The following GFRAL variants were observed in gnomAD, a reference collection of about 807,000 sequenced individuals.
GFRAL encodes the protein GDNF family receptor alpha-like.
Under a neutral mutation model 45.4 loss-of-function variants are expected in GFRAL, and 36 were observed. The ratio of observed to expected loss-of-function variants is 0.79; its 90% confidence interval spans 0.61 to 1.05. The LOEUF (loss-of-function observed/expected upper bound fraction) is 1.05. Ranked by LOEUF, GFRAL falls within the 50% of genes least tolerant of loss-of-function variation. The probability of loss-of-function intolerance (pLI) is 0.00; values close to 1 mark genes in which losing one functional copy is unlikely to be tolerated. For synonymous variants in GFRAL, 166 were observed against 154.1 expected (o/e 1.08, Z -0.57); for missense variants, 507 against 467.5 (o/e 1.08, Z -0.78).
intron 6 of GFRAL, among the ~76,000 whole-genome samples, chr6:55,360,009 C>T (rs979103544): frequency 1.1e-4 from 17 of 151,852 alleles, no homozygotes; most frequent in African/African-American, 4.1e-4. Context: ...TGCTGATCAA[C>T]CTATAATGAT....
intron 3 of GFRAL, among the ~76,000 whole-genome samples, chr6:55,337,059 G>A (rs756561308): frequency 2.0e-5 from 3 of 151,922 alleles, no homozygotes; most frequent in Admixed American, 6.6e-5. Flanking sequence ...GTAAATTAGT[G>A]TTAACTATAG....
chr6:55,355,114 ACAT>A (rs1442567317), intron 5 of GFRAL, among the ~76,000 whole-genome samples: 1 of 152,018 alleles, frequency 6.6e-6, no homozygotes, highest in Non-Finnish European at 1.5e-5. Flanking sequence ...AAAACAGATG[ACAT>A]CATATTATAT....
At chr6:55,334,625 C>T (rs1265569238) in intron 3 of GFRAL, among the ~76,000 whole-genome samples, 1 of 152,206 alleles carries the variant, frequency 6.6e-6, no homozygotes, top group Non-Finnish European at 1.5e-5. Context: ...TCTTCTTTCA[C>T]AATCAACCTT....
Position 55,331,709 on chromosome 6 carries a change from T to C in GFRAL, c.23-6T>C, listed in dbSNP as rs1767831513. The C allele has an allele frequency of 4.4e-6, 7 of 1,595,920 alleles. No individual in the cohort carries two copies. Among genetic ancestry groups the C allele is most frequent in the Non-Finnish European group, 1.7e-6 (2 of 1,174,098 alleles). ...TACAACCTTGTTTTTGTTGTTGTTA[T>C]TCAAGCTATGGGGTTAAGCTTGGAA... On this transcript the variant is annotated splice_region_variant and splice_polypyrimidine_tract_variant and intron_variant, in intron 1 of 8. Transcript: ENST00000340465.
intron 6 of GFRAL, among the ~76,000 whole-genome samples, chr6:55,384,922 C>G (rs1407495303): frequency 6.7e-6 from 1 of 150,266 alleles, no homozygotes; most frequent in Admixed American, 6.6e-5. Flanking sequence ...AATGCTCCAA[C>G]CTTGCTGATG....
chr6:55,328,119 T>C (rs1029756393), intron 1 of GFRAL, among the ~76,000 whole-genome samples: 1 of 152,004 alleles, frequency 6.6e-6, no homozygotes, highest in East Asian at 1.9e-4. Context: ...TTCATTAATT[T>C]TTATGACCTA....
Position 55,351,367 on chromosome 6 carries a change from GT to G in GFRAL, c.486del (p.Cys162TrpfsTer3), listed in dbSNP as rs1391603901. ...GCTTGCTCAGCAAATGGAAATCCGTGTGATCTGAAACAGTGCCAAGCAGCCA... is the reference window on the plus strand; with the variant it reads ...GCTTGCTCAGCAAATGGAAATCCGTGGATCTGAAACAGTGCCAAGCAGCCA... ...LKACSANGNP[C>X]DLKQCQAAIR... On this transcript the variant is annotated frameshift_variant, in exon 5 of 9. Transcript: ENST00000340465. LOFTEE classifies it high-confidence loss of function. 2 of 1,613,676 alleles carry G rather than the reference GT, an allele frequency of 1.2e-6. No individual in the cohort carries two copies. The highest frequency in any genetic ancestry group is 1.1e-5 in the South Asian group (1 of 91,076).
At position 55,335,002 on chromosome 6, in the gene GFRAL, A is replaced by G. The variant is rs1767873904; in HGVS notation, c.316+1058A>G. On this transcript the variant is annotated intron_variant, in intron 3 of 8. Coordinates refer to ENST00000340465, the MANE Select transcript of GFRAL (RefSeq NM_207410.2). ...AGGCTGCTATAAATATTCACATACA[A>G]GATTCAGACAAACATAAGCTTTACT... Among the ~76,000 whole-genome samples the G allele has an allele frequency of 2.0e-5, 3 of 152,320 alleles. No homozygotes were observed. In the South Asian group the frequency reaches 6.2e-4, roughly 32 times the overall value.
chr6:55,379,514 A>G (rs1478596309), intron 6 of GFRAL, among the ~76,000 whole-genome samples: 1 of 123,028 alleles, frequency 8.1e-6, no homozygotes, highest in Non-Finnish European at 1.9e-5. Context: ...AAATTTATAT[A>G]TTTTTTAAAT....
At chr6:55,363,676 G>C (rs1768311756) in intron 6 of GFRAL, among the ~76,000 whole-genome samples, 2 of 147,128 alleles carry the variant, frequency 1.4e-5, no homozygotes, top group Admixed American at 1.4e-4. Context: ...CTATGAGTGA[G>C]AATATGCGGT....
chr6:55,347,909 A>G (rs1227326371), intron 3 of GFRAL, among the ~76,000 whole-genome samples: 6 of 152,210 alleles, frequency 3.9e-5, no homozygotes, highest in Non-Finnish European at 8.8e-5. Context: ...GTCATTTTAT[A>G]GAAACATGTT....
intron 3 of GFRAL, among the ~76,000 whole-genome samples, chr6:55,337,138 C>T (rs1019176278): frequency 7.2e-5 from 11 of 152,110 alleles, no homozygotes; most frequent in Admixed American, 2.6e-4. Flanking sequence ...TATCCGTTAA[C>T]CAACTTCTCT....
At chr6:55,362,431 G>A (rs2127358161) in intron 6 of GFRAL, among the ~76,000 whole-genome samples, 1 of 152,120 alleles carries the variant, frequency 6.6e-6, no homozygotes, top group East Asian at 1.9e-4. Flanking sequence ...CCTGTGTGCA[G>A]GACTAGACTC....
chr6:55,348,228 G>A (rs1462963160), intron 3 of GFRAL, among the ~76,000 whole-genome samples: 2 of 82,060 alleles, frequency 2.4e-5, no homozygotes, highest in Non-Finnish European at 5.5e-5. Flanking sequence ...TATCCTCTGG[G>A]AAAAAATGAG....
At chr6:55,347,154 G>A (rs1203530899) in intron 3 of GFRAL, among the ~76,000 whole-genome samples, 1 of 152,088 alleles carries the variant, frequency 6.6e-6, no homozygotes, top group African/African-American at 2.4e-5. Context: ...GATATAGGCT[G>A]GAAAGAGTCT....
chr6:55,394,433 G>A (rs1333142479), intron 6 of GFRAL, among the ~76,000 whole-genome samples: 1 of 152,108 alleles, frequency 6.6e-6, no homozygotes, highest in African/African-American at 2.4e-5. Flanking sequence ...AGCCAGTGAA[G>A]AAGAATATTT....
chr6:55,396,706 C>A (rs539397378), intron 6 of GFRAL, among the ~76,000 whole-genome samples: 3 of 150,706 alleles, frequency 2.0e-5, no homozygotes, highest in South Asian at 2.1e-4. Flanking sequence ...TTTCAAGGAC[C>A]CCTTATTAAA....
Position 55,401,967 on chromosome 6 carries a change from T to C in GFRAL, c.*114T>C. ...CTCCTCTCCTCCCCTCCCCTCTCTG[T>C]TTCTTTTTCTTTTTCTTTTCTTTTT... is the stretch of plus-strand genomic sequence containing the variant. On this transcript the variant is annotated 3_prime_UTR_variant, in exon 9 of 9. Transcript: ENST00000340465. 3 of 601,658 alleles carry C rather than the reference T, an allele frequency of 5.0e-6. No homozygotes were observed. 37.3% of individuals were successfully genotyped at this position (601,658 alleles called of 1,614,324 possible). A position where few individuals can be genotyped will look rare whatever the true frequency, so the allele number is the denominator to read the frequency against.
chr6:55,365,938 A>G (rs1415658685), intron 6 of GFRAL, among the ~76,000 whole-genome samples: 1,660 of 144,974 alleles, frequency 0.011, 21 homozygotes, highest in Non-Finnish European at 0.019. Context: ...TTGGTATTAG[A>G]ATGATGCTGG....
Sources: gnomAD v4.1 joint callset for allele counts (sites outside exome capture counted in the v4.1 genomes callset) on GRCh38, gnomAD v4.1.1 for gene constraint, MANE v1.5 for transcripts, NCBI Gene and HGNC (gene_info 2026-07-23, HGNC 2026-07-21) for gene names.